The following PARD3B variants were observed in gnomAD, a reference collection of about 807,000 sequenced individuals.
The protein encoded by PARD3B is par-3 family cell polarity regulator beta.
A neutral mutation model predicts 130.2 loss-of-function variants in PARD3B; 103 were observed. The ratio of observed to expected loss-of-function variants is 0.79; its 90% CI spans 0.67 to 0.93. PARD3B has a LOEUF of 0.93. Ranked by LOEUF, PARD3B falls within the 40% of genes least tolerant of loss-of-function variation. The pLI, the probability that PARD3B is intolerant of heterozygous loss-of-function variation, is 0.00. For synonymous variants in PARD3B, 583 were observed against 553.2 expected (o/e 1.05, Z -0.76); for missense variants, 1,609 against 1,499.2 (o/e 1.07, Z -1.21).
chr2:204,989,509 G>A (rs755469585), intron 3 of PARD3B, among the ~76,000 whole-genome samples: 21 of 152,144 alleles, frequency 1.4e-4, no homozygotes, highest in Non-Finnish European at 3.1e-4. Context: ...GAGCACCCAT[G>A]TAACTAACAC....
chr2:205,603,702 G>A (rs936482976), intron 22 of PARD3B, among the ~76,000 whole-genome samples: 1 of 151,888 alleles, frequency 6.6e-6, no homozygotes, highest in Admixed American at 6.6e-5. Context: ...TATTTGCCTG[G>A]TAAATTTTCC....
chr2:205,167,767 T>C (rs1308822688), intron 11 of PARD3B, among the ~76,000 whole-genome samples: 1 of 152,254 alleles, frequency 6.6e-6, no homozygotes, highest in Non-Finnish European at 1.5e-5. Context: ...TGAGGAGACC[T>C]GGCTATGACC....
rs757407337 is a variant in PARD3B at position 204,623,424 on chromosome 2, G to A, written c.121-62757G>A. Among the ~76,000 whole-genome samples the A allele has an allele frequency of 6.6e-6, 1 of 151,996 alleles. No homozygotes were observed. Among genetic ancestry groups the A allele is most frequent in the Non-Finnish European group, 1.5e-5 (1 of 67,984 alleles). ...ACCTCCCTCGTGCCACCCCTTTATAGTCATACCCACACCCAGCACCCTCCA... is the reference window on the plus strand; with the variant it reads ...ACCTCCCTCGTGCCACCCCTTTATAATCATACCCACACCCAGCACCCTCCA... On this transcript the variant is annotated intron_variant, in intron 1 of 22. Coordinates refer to ENST00000406610, the MANE Select transcript of PARD3B (RefSeq NM_001302769.2). This position sits in a 1 kb window ranked among gnomAD's most constrained non-coding sequence, Gnocchi z 4.5.
intron 13 of PARD3B, among the ~76,000 whole-genome samples, chr2:205,184,946 G>A (rs1294499661): frequency 6.6e-6 from 1 of 152,098 alleles, no homozygotes; most frequent in Non-Finnish European, 1.5e-5. Flanking sequence ...CAAAAACCAT[G>A]CACTTTACCA....
chr2:205,019,282 C>T (rs1025533024), intron 3 of PARD3B, among the ~76,000 whole-genome samples: 3 of 152,220 alleles, frequency 2.0e-5, no homozygotes, highest in African/African-American at 7.2e-5. Flanking sequence ...AGCATGTTTT[C>T]AAGGTTCATC....
intron 15 of PARD3B, among the ~76,000 whole-genome samples, chr2:205,206,710 A>G (rs1258064656): frequency 6.6e-6 from 1 of 152,088 alleles, no homozygotes; most frequent in Non-Finnish European, 1.5e-5. Flanking sequence ...AGCATGCTTT[A>G]TAGTCCTTTG....
At chr2:204,724,332 G>C (rs2039125075) in intron 2 of PARD3B, among the ~76,000 whole-genome samples, 1 of 152,094 alleles carries the variant, frequency 6.6e-6, no homozygotes, top group East Asian at 1.9e-4. Flanking sequence ...GTGTTTCAAA[G>C]TCACAATGTC....
intron 2 of PARD3B, among the ~76,000 whole-genome samples, chr2:204,826,184 G>T (rs2043563787): frequency 6.6e-6 from 1 of 152,172 alleles, no homozygotes; most frequent in Admixed American, 6.5e-5. Flanking sequence ...GGGGGCAAAA[G>T]GAGCTGACCC....
intron 2 of PARD3B, among the ~76,000 whole-genome samples, chr2:204,933,541 G>T (rs1033253116): frequency 2.6e-5 from 4 of 152,126 alleles, no homozygotes; most frequent in Admixed American, 2.0e-4. Flanking sequence ...AGAGGATTTA[G>T]ATTCTTTATT....
In PARD3B at chr2:204,709,945, T is replaced by A. The variant is rs180875747; in HGVS notation, c.222+23663T>A. Among the ~76,000 whole-genome samples the A allele has an allele frequency of 3.6e-4, 55 of 152,354 alleles. 1 individual carries two copies. In the East Asian group the frequency reaches 8.1e-3, roughly 22 times the overall value. On this transcript the variant is annotated intron_variant, in intron 2 of 22. Coordinates refer to ENST00000406610, the MANE Select transcript of PARD3B (RefSeq NM_001302769.2). ...CATTTTTAAAAGTTTTGTCTATTTTTCACAGGCTAAAGAAATCATAATTAA... is the reference window on the plus strand; with the variant it reads ...CATTTTTAAAAGTTTTGTCTATTTTACACAGGCTAAAGAAATCATAATTAA...
chr2:205,168,719 T>A (rs2034977121), intron 11 of PARD3B, among the ~76,000 whole-genome samples: 1 of 151,722 alleles, frequency 6.6e-6, no homozygotes, highest in Admixed American at 6.6e-5. Flanking sequence ...CAGTTTCCTG[T>A]CTCCATATCT....
Position 204,623,320 on chromosome 2 carries a change from ATGT to A in PARD3B, c.121-62856_121-62854del, listed in dbSNP as rs2125130468. ...CTGTATAAAATGTGAGTATAGCTCGATGTTGTTACCTGTATAGATTAATGTCAC... is the reference window on the plus strand; with the variant it reads ...CTGTATAAAATGTGAGTATAGCTCGATGTTACCTGTATAGATTAATGTCAC... On this transcript the variant is annotated intron_variant, in intron 1 of 22. Coordinates refer to ENST00000406610, the MANE Select transcript of PARD3B (RefSeq NM_001302769.2). This position sits in a 1 kb window ranked among gnomAD's most constrained non-coding sequence, Gnocchi z 4.5. Among the ~76,000 whole-genome samples, 1 of 152,232 alleles carries A rather than the reference ATGT, an allele frequency of 6.6e-6. No individual in the cohort carries two copies. Among genetic ancestry groups the A allele is most frequent in the East Asian group, 1.9e-4 (1 of 5,182 alleles).
intron 2 of PARD3B, among the ~76,000 whole-genome samples, chr2:204,757,445 C>A (rs978173455): frequency 2.6e-5 from 4 of 152,104 alleles, no homozygotes; most frequent in Non-Finnish European, 5.9e-5. Context: ...CTTATAGTAG[C>A]CATTCTGACT....
chr2:205,442,370 C>G (rs985135255), intron 20 of PARD3B, among the ~76,000 whole-genome samples: 1 of 141,436 alleles, frequency 7.1e-6, no homozygotes, highest in African/African-American at 2.7e-5. Context: ...ACGATCGCGG[C>G]TAACCGCAAC....
intron 21 of PARD3B, 58 bp from the exon 22 acceptor site, chr2:205,553,266 T>C (rs2106496614): frequency 6.0e-6 from 9 of 1,503,826 alleles, no homozygotes; most frequent in South Asian, 5.7e-5. Context: ...TCGAGATGCA[T>C]TGTCAGTAAC....
chr2:204,610,926 C>T lies in PARD3B; in HGVS notation c.120+64807C>T, dbSNP rs1322499670. ...TTTTGAAGATTCCAAAGACATTTTA[C>T]AATGTACACTGAAAATGATTGTTCC... On this transcript the variant is annotated intron_variant, in intron 1 of 22. Transcript: ENST00000406610. This position sits in a 1 kb window ranked among gnomAD's most constrained non-coding sequence, Gnocchi z 4.1. Among the ~76,000 whole-genome samples, 1 of 152,158 alleles carries T rather than the reference C, an allele frequency of 6.6e-6. No homozygotes were observed. Among genetic ancestry groups the T allele is most frequent in the Admixed American group, 6.5e-5 (1 of 15,268 alleles).
At chr2:205,379,148 A>T (rs2045203808) in intron 18 of PARD3B, among the ~76,000 whole-genome samples, 1 of 152,118 alleles carries the variant, frequency 6.6e-6, no homozygotes, top group Admixed American at 6.6e-5. Flanking sequence ...TGAATTTGAA[A>T]CACATGAGCA....
At chr2:204,571,267 C>T (rs945286783) in intron 1 of PARD3B, among the ~76,000 whole-genome samples, 2 of 152,184 alleles carry the variant, frequency 1.3e-5, no homozygotes, top group African/African-American at 4.8e-5. Context: ...GCTCTGAAAC[C>T]GTGGGCAAGG....
At chr2:205,556,575 T>TAAG (rs1553544584) in intron 22 of PARD3B, among the ~76,000 whole-genome samples, 1 of 152,228 alleles carries the variant, frequency 6.6e-6, no homozygotes, top group Non-Finnish European at 1.5e-5. Context: ...TAAGCCATGT[T>TAAG]AAGTGTTATT....
Sources: gnomAD v4.1 joint callset for allele counts (sites outside exome capture counted in the v4.1 genomes callset) on GRCh38, gnomAD v4.1.1 for gene constraint, Gnocchi (gnomAD v3.1) non-coding constraint, MANE v1.5 for transcripts, NCBI Gene and HGNC (gene_info 2026-07-23, HGNC 2026-07-21) for gene names.